GMPR2: variants seen among roughly 807,000 people sequenced by gnomAD.
The protein encoded by GMPR2 is GMP reductase 2.
Under a neutral mutation model 38.5 loss-of-function variants are expected in GMPR2, and 32 were observed. The observed-to-expected ratio is 0.83, with a 90% CI of 0.63 to 1.12. The LOEUF (loss-of-function observed/expected upper bound fraction) is 1.12. Among genes scored for constraint, GMPR2 ranks in the 50% most tolerant of loss-of-function variants. The pLI, the probability that GMPR2 is intolerant of heterozygous loss-of-function variation, is 0.00. For synonymous variants in GMPR2, 154 were observed against 151.0 expected (o/e 1.02, Z -0.15); for missense variants, 396 against 432.1 (o/e 0.92, Z 0.74).
chr14:24,236,194 CG>C (rs1456988281), intron 5 of GMPR2, 54 bp downstream of exon 5: 4 of 1,332,348 alleles, frequency 3.0e-6, no homozygotes, highest in Non-Finnish European at 4.3e-6. Flanking sequence ...CCTGCCACTC[CG>C]TTTTGCTACA....
rs374112563 is a variant in GMPR2 at position 24,235,812 on chromosome 14, T to C, written c.283T>C (p.Cys95Arg). Residue 95 changes from cysteine (C) to arginine (R), a missense_variant, in exon 4 of 10, where the codon TGT becomes CGT. Coordinates refer to ENST00000399440, the MANE Select transcript of GMPR2 (RefSeq NM_001002002.3). ...AGAGTTTGCTGGCCAGAATCCTGAC[T>C]GTCTTGAGGTAACACTGGGCATACC... ...WQEFAGQNPD[C>R]LEHLAASSGT... 2 of 1,611,968 alleles carry C rather than the reference T, an allele frequency of 1.2e-6. No individual in the cohort carries two copies. Among genetic ancestry groups the C allele is most frequent in the Non-Finnish European group, 1.7e-6 (2 of 1,178,068 alleles).
chr14:24,237,692 G>A (rs1013094925), intron 8 of GMPR2, 130 bp downstream of exon 8: 21 of 842,408 alleles, frequency 2.5e-5, no homozygotes, highest in African/African-American at 1.2e-4. Context: ...TAGTGACTCC[G>A]AAGTCTATGG....
Position 24,237,172 on chromosome 14 carries a change from C to T in GMPR2, c.547+20C>T, listed in dbSNP as rs754902890. 4 of 1,552,514 alleles carry T rather than the reference C, an allele frequency of 2.6e-6. No individual in the cohort carries two copies. The highest frequency in any genetic ancestry group is 1.4e-5 in the African/African-American group (1 of 73,694). Reference sequence around the variant, plus strand: ...GGCCAGGTAAGCTGGTTCATTGGGGCCACTGGCTACCCCCCTTCAGTGGCA... The same window carrying T: ...GGCCAGGTAAGCTGGTTCATTGGGGTCACTGGCTACCCCCCTTCAGTGGCA... On this transcript the variant is annotated intron_variant, in intron 6 of 9. Coordinates refer to ENST00000399440, the MANE Select transcript of GMPR2 (RefSeq NM_001002002.3).
chr14:24,233,110 C>A, intron 1 of GMPR2, 109 bp from the exon 2 acceptor site: 2 of 1,443,108 alleles, frequency 1.4e-6, no homozygotes, highest in East Asian at 2.3e-5. Context: ...AGGGACCACA[C>A]TTCGGCCTTT....
At position 24,238,853 on chromosome 14, in the gene GMPR2, C is replaced by T. The variant is rs2040481496; in HGVS notation, c.*75C>T. 2.6e-6 allele frequency: 3 copies of T among 1,161,360 alleles called. No individual in the cohort carries two copies. The highest frequency in any genetic ancestry group is 2.5e-6 in the Non-Finnish European group (2 of 785,764). 71.9% of individuals were successfully genotyped at this position (1,161,360 alleles called of 1,614,324 possible). ...TCCCAAGTGGGGTCCTCACCCATCCCAGCTACTGCAGCTCTGTATTACTTT... is the reference window on the plus strand; with the variant it reads ...TCCCAAGTGGGGTCCTCACCCATCCTAGCTACTGCAGCTCTGTATTACTTT... On this transcript the variant is annotated 3_prime_UTR_variant, in exon 10 of 10. Transcript: ENST00000399440.
Position 24,236,149 on chromosome 14 carries a change from C to T in GMPR2, c.465+9C>T. 6.2e-7 allele frequency: 1 copy of T among 1,607,638 alleles called. No individual in the cohort carries two copies. Among genetic ancestry groups the T allele is most frequent in the Non-Finnish European group, 8.5e-7 (1 of 1,174,718 alleles). Reference sequence around the variant, plus strand: ...CCCAGCACACCATCATGGTATGTTTCTATTACAGTCGGTACCTTTTTATCT... The same window carrying T: ...CCCAGCACACCATCATGGTATGTTTTTATTACAGTCGGTACCTTTTTATCT... On this transcript the variant is annotated intron_variant, in intron 5 of 9. Coordinates refer to ENST00000399440, the MANE Select transcript of GMPR2 (RefSeq NM_001002002.3).
At chr14:24,234,069 C>T (rs1328472671) in intron 3 of GMPR2, 2 of 1,274,022 alleles carry the variant, frequency 1.6e-6, no homozygotes, top group African/African-American at 1.5e-5. Flanking sequence ...TAAAAGAATA[C>T]TTCTGCCATT....
chr14:24,238,476 T>A (rs770738162), intron 9 of GMPR2, 71 bp downstream of exon 9: 3 of 1,613,992 alleles, frequency 1.9e-6, no homozygotes, highest in Non-Finnish European at 1.7e-6. Flanking sequence ...AGGGGGATGG[T>A]ACAGTTCTCA....
At position 24,238,278 on chromosome 14, in the gene GMPR2, A is replaced by T; in HGVS notation, c.730A>T (p.Met244Leu). 3.1e-6 allele frequency: 5 copies of T among 1,613,480 alleles called. No homozygotes were observed. Among genetic ancestry groups the T allele is most frequent in the African/African-American group, 2.7e-5 (2 of 74,968 alleles). The change falls in exon 9 of 10, where the codon ATG (methionine) becomes TTG (leucine). Residue 244 changes from methionine to leucine, a missense_variant. Met to Leu is a conservative substitution (Grantham distance 15). Coordinates refer to ENST00000399440, the MANE Select transcript of GMPR2 (RefSeq NM_001002002.3). ...AGCTGACTTCGTGATGCTGGGTGGCATGCTGGCTGGGCACAGTGAGTCAGG... is the reference window on the plus strand; with the variant it reads ...AGCTGACTTCGTGATGCTGGGTGGCTTGCTGGCTGGGCACAGTGAGTCAGG... ...AGADFVMLGG[M>L]LAGHSESGGE...
intron 8 of GMPR2, 159 bp downstream of exon 8, chr14:24,237,721 G>A (rs1328555423): frequency 5.8e-6 from 4 of 684,810 alleles, no homozygotes; most frequent in Non-Finnish European, 7.6e-6. Flanking sequence ...GGGGCAGCCA[G>A]CAGGGGACAT....
rs74037010 is a variant in GMPR2 at position 24,238,126 on chromosome 14, A to G, written c.698-120A>G. 6.9e-3 allele frequency: 6,124 copies of G among 893,492 alleles called. 230 individuals carry two copies. In the African/African-American group the frequency reaches 0.083, roughly 12 times the overall value. The allele number at this position is 893,492 out of a possible 1,614,324, so 55.3% of individuals were successfully genotyped here. On this transcript the variant is annotated intron_variant, in intron 8 of 9. Transcript: ENST00000399440. ...GATTGTGGGTCAGCTAGGGAAGCAG[A>G]AGGAGGAAGACGCTGGAATCATTGT...
At chr14:24,233,885 C>T (rs1478564495) in intron 3 of GMPR2, 1 of 545,188 alleles carries the variant, frequency 1.8e-6, no homozygotes, top group Middle Eastern at 3.0e-4. Context: ...CAACTTTTCC[C>T]ACCACCCAGG....
chr14:24,238,845 A>C lies in GMPR2; in HGVS notation c.*67A>C. The C allele has an allele frequency of 7.5e-7, 1 of 1,341,564 alleles. No homozygotes were observed. The highest frequency in any genetic ancestry group is 1.4e-5 in the African/African-American group (1 of 69,958). The allele number at this position is 1,341,564 out of a possible 1,614,324, so 83.1% of individuals were successfully genotyped here. On this transcript the variant is annotated 3_prime_UTR_variant, in exon 10 of 10. Transcript: ENST00000399440. ...ATGGGGCATCCCAAGTGGGGTCCTC[A>C]CCCATCCCAGCTACTGCAGCTCTGT...
chr14:24,237,416 G>A, intron 7 of GMPR2, 65 bp downstream of exon 7: 2 of 1,484,054 alleles, frequency 1.3e-6, no homozygotes, highest in South Asian at 2.3e-5. Flanking sequence ...TGGCAGAGAT[G>A]GATTAGAATT....
At position 24,239,099 on chromosome 14, in the gene GMPR2, T is replaced by C; in HGVS notation, c.*321T>C. ...CTGATTGGTACATAAATCTTTTACA[T>C]GGCCTTGGTCTAGAGGAGGCAGGCT... On this transcript the variant is annotated 3_prime_UTR_variant, in exon 10 of 10. Transcript: ENST00000399440. 3 of 476,748 alleles carry C rather than the reference T, an allele frequency of 6.3e-6. No homozygotes were observed. In the East Asian group the frequency reaches 1.8e-4, roughly 28 times the overall value. The allele number at this position is 476,748 out of a possible 1,614,324, so 29.5% of individuals were successfully genotyped here. A position where few individuals can be genotyped will look rare whatever the true frequency, so the allele number is the denominator to read the frequency against.
rs780189370 is a variant in GMPR2 at position 24,237,057 on chromosome 14, T to C, written c.466-14T>C. Reference sequence around the variant, plus strand: ...TGGCCCTAAGGATGCTGTATTTCAATTGCTCTGTCTCAGGCAGGGAATGTG... The same window carrying C: ...TGGCCCTAAGGATGCTGTATTTCAACTGCTCTGTCTCAGGCAGGGAATGTG... On this transcript the variant is annotated splice_polypyrimidine_tract_variant and intron_variant, in intron 5 of 9. Coordinates refer to ENST00000399440, the MANE Select transcript of GMPR2 (RefSeq NM_001002002.3). 10 of 1,601,918 alleles carry C rather than the reference T, an allele frequency of 6.2e-6. No individual in the cohort carries two copies. The highest frequency in any genetic ancestry group is 3.3e-4 in the Middle Eastern group (2 of 6,044).
chr14:24,233,165 A>G, intron 1 of GMPR2, 54 bp from the exon 2 acceptor site: 1 of 1,610,658 alleles, frequency 6.2e-7, no homozygotes, highest in Non-Finnish European at 8.5e-7. Flanking sequence ...ACCAGCCGTA[A>G]CAGGGCGTTA....
rs1330654236 is a variant in GMPR2 at position 24,239,209 on chromosome 14, TACCTC to T, written c.*433_*437del. On this transcript the variant is annotated 3_prime_UTR_variant, in exon 10 of 10. Coordinates refer to ENST00000399440, the MANE Select transcript of GMPR2 (RefSeq NM_001002002.3). Reference sequence around the variant, plus strand: ...CTCTGAAGTGTTTGTATATTTGAAATACCTCAATAAAGAGAGAGCTCATTGACTGT... The same window carrying T: ...CTCTGAAGTGTTTGTATATTTGAAATAATAAAGAGAGAGCTCATTGACTGT... The T allele has an allele frequency of 8.3e-6, 3 of 362,376 alleles. No individual in the cohort carries two copies. Among genetic ancestry groups the T allele is most frequent in the South Asian group, 6.4e-5 (3 of 47,050 alleles). The allele number at this position is 362,376 out of a possible 1,614,324, so 22.4% of individuals were successfully genotyped here. A position where few individuals can be genotyped will look rare whatever the true frequency, so the allele number is the denominator to read the frequency against.
rs368631211 is a variant in GMPR2, at chr14:24,238,772, G to A, written c.1041G>A (p.Ala347=). 3.2e-5 allele frequency: 51 copies of A among 1,611,928 alleles called. No homozygotes were observed. The highest frequency in any genetic ancestry group is 1.2e-4 in the South Asian group (11 of 91,016). Residue 347 remains alanine (A), a synonymous_variant, in exon 10 of 10, where the codon GCG becomes GCA. Coordinates refer to ENST00000399440, the MANE Select transcript of GMPR2 (RefSeq NM_001002002.3). ...TQQVNPIFSE[A]C ...AGGTGAATCCAATCTTCAGTGAGGC[G>A]TGCTAGACCTGAGCAGTTCTACCCT...
Sources: allele counts gnomAD v4.1 joint callset, GRCh38; gene constraint gnomAD v4.1.1; transcripts MANE v1.5; gene names NCBI Gene and HGNC (gene_info 2026-07-23, HGNC 2026-07-21).